Variants in XKR9 observed in about 807,000 individuals in gnomAD.
XKR9 encodes the protein XK-related protein 9.
A neutral mutation model predicts 32.0 loss-of-function variants in XKR9; 32 were observed. The ratio of observed to expected loss-of-function variants is 1.00; its 90% CI spans 0.76 to 1.34. The LOEUF (loss-of-function observed/expected upper bound fraction) is 1.34, where lower values mean the gene tolerates loss of function less well. XKR9 is among the 40% of genes most tolerant of loss of function. XKR9 has a pLI of 0.00. For missense variants in XKR9, 546 were observed against 429.7 expected (o/e 1.27, Z -2.39); for synonymous variants, 168 against 143.4 (o/e 1.17, Z -1.22).
At chr8:70,700,871 G>A (rs1484095976) in intron 3 of XKR9, among the ~76,000 whole-genome samples, 1 of 152,194 alleles carries the variant, frequency 6.6e-6, no homozygotes, top group Admixed American at 6.5e-5. Context: ...TTGTTTACCT[G>A]AGCAAGCCTG....
chr8:70,695,586 A>T (rs1805242079), intron 3 of XKR9, among the ~76,000 whole-genome samples: 1 of 151,902 alleles, frequency 6.6e-6, no homozygotes, highest in Non-Finnish European at 1.5e-5. Context: ...ATTGTTGGAC[A>T]TCTGGGTTGG....
chr8:71,062,797 T>G, the XKR9 span, among the ~76,000 whole-genome samples: 2 of 152,228 alleles, frequency 1.3e-5, no homozygotes, highest in Admixed American at 1.3e-4. Flanking sequence ...GGAATGATTT[T>G]TTTCTAATAC....
At chr8:70,703,918 C>G (rs1805629111) in intron 3 of XKR9, among the ~76,000 whole-genome samples, 1 of 152,164 alleles carries the variant, frequency 6.6e-6, no homozygotes, top group Admixed American at 6.5e-5. Context: ...CGTGGTACCT[C>G]ACGCCTGTAA....
At chr8:71,058,295 G>C in the XKR9 span, among the ~76,000 whole-genome samples, 3 of 152,220 alleles carry the variant, frequency 2.0e-5, no homozygotes, top group Admixed American at 6.5e-5. Context: ...AGCAAGATTA[G>C]AGTGTTGCAT....
chr8:71,046,645 A>T, the XKR9 span, among the ~76,000 whole-genome samples: 2 of 152,194 alleles, frequency 1.3e-5, no homozygotes, highest in African/African-American at 4.8e-5. Context: ...ATTTTTGTAC[A>T]ATTAGTTACC....
the XKR9 span, among the ~76,000 whole-genome samples, chr8:70,995,750 A>G: frequency 6.6e-6 from 1 of 152,130 alleles, no homozygotes; most frequent in Admixed American, 6.6e-5. Context: ...TCTTGGGTTC[A>G]AGTGATCCTC....
chr8:70,921,240 G>A, the XKR9 span, among the ~76,000 whole-genome samples: 1 of 152,228 alleles, frequency 6.6e-6, no homozygotes, highest in Non-Finnish European at 1.5e-5. Context: ...CAAGGAGGCT[G>A]CTATACTGGG....
intron 2 of XKR9, among the ~76,000 whole-genome samples, chr8:70,767,874 A>G (rs1439841896): frequency 1.3e-5 from 2 of 152,088 alleles, no homozygotes; most frequent in African/African-American, 4.8e-5. Flanking sequence ...TCAAAAATCC[A>G]GCTCTTGGAT....
At chr8:70,984,547 T>C in the XKR9 span, among the ~76,000 whole-genome samples, 1 of 152,236 alleles carries the variant, frequency 6.6e-6, no homozygotes, top group Non-Finnish European at 1.5e-5. Context: ...CTATCTATGC[T>C]GCAACACAAA....
the XKR9 span, among the ~76,000 whole-genome samples, chr8:71,017,773 C>A: frequency 4.6e-5 from 7 of 152,164 alleles, no homozygotes; most frequent in Admixed American, 6.5e-5. Flanking sequence ...TTCAGAAGAG[C>A]AAATTCATTT....
chr8:70,788,598 G>T (rs1473176257), intron 2 of XKR9, among the ~76,000 whole-genome samples: 5 of 151,994 alleles, frequency 3.3e-5, no homozygotes, highest in Non-Finnish European at 7.4e-5. Flanking sequence ...AATTATAAAA[G>T]CAATAGCATA....
chr8:70,997,226 G>A, the XKR9 span, among the ~76,000 whole-genome samples: 2 of 152,022 alleles, frequency 1.3e-5, no homozygotes, highest in African/African-American at 4.8e-5. Flanking sequence ...GAACCCGGAA[G>A]GCGGAGGTTG....
chr8:70,695,373 T>G (rs1306280923), intron 3 of XKR9, among the ~76,000 whole-genome samples: 1 of 122,810 alleles, frequency 8.1e-6, no homozygotes, highest in Non-Finnish European at 1.7e-5. Context: ...TTCCCCTTCC[T>G]GTGTCCATGT....
intron 4 of XKR9, among the ~76,000 whole-genome samples, chr8:70,716,905 A>G (rs1276115563): frequency 6.6e-6 from 1 of 152,190 alleles, no homozygotes; most frequent in Non-Finnish European, 1.5e-5. Flanking sequence ...CCTAGATACA[A>G]TGTGGGTATA....
At chr8:70,793,555 C>T (rs1445029935), downstream of XKR9, among the ~76,000 whole-genome samples, 1 of 152,050 alleles carries the variant, frequency 6.6e-6, no homozygotes, top group Admixed American at 6.6e-5. Flanking sequence ...TTCTCAGCTT[C>T]CAAAGAAATG....
At chr8:70,971,275 C>A in the XKR9 span, among the ~76,000 whole-genome samples, 1 of 151,864 alleles carries the variant, frequency 6.6e-6, no homozygotes, top group African/African-American at 2.4e-5. Context: ...GTTTGAGAAT[C>A]ATCTATTCAT....
the XKR9 span, among the ~76,000 whole-genome samples, chr8:70,923,832 G>A: frequency 1.3e-5 from 2 of 152,240 alleles, no homozygotes; most frequent in African/African-American, 4.8e-5. Flanking sequence ...TACTCATAGT[G>A]TCTATTATTT....
the XKR9 span, among the ~76,000 whole-genome samples, chr8:71,019,298 G>C: frequency 2.6e-5 from 4 of 152,102 alleles, no homozygotes; most frequent in Non-Finnish European, 5.9e-5. Flanking sequence ...TTATTCAAGA[G>C]ACAAAGCAAG....
At chr8:70,979,381 C>T in the XKR9 span, among the ~76,000 whole-genome samples, 4 of 152,154 alleles carry the variant, frequency 2.6e-5, no homozygotes, top group Non-Finnish European at 4.4e-5. Context: ...GTTTTATCTA[C>T]GTTTGGTGTT....
Sources: gnomAD v4.1 joint callset for allele counts (sites outside exome capture counted in the v4.1 genomes callset) on GRCh38, gnomAD v4.1.1 for gene constraint, MANE v1.5 for transcripts, NCBI Gene and HGNC (gene_info 2026-07-23, HGNC 2026-07-21) for gene names.